Variants in GRIA1 observed in about 807,000 individuals in gnomAD.
GRIA1 encodes glutamate receptor 1.
Under a neutral mutation model 99.2 loss-of-function variants are expected in GRIA1, and 31 were observed. The ratio of observed to expected loss-of-function variants is 0.31; its 90% CI spans 0.23 to 0.42. GRIA1 has a LOEUF of 0.42. GRIA1 is among the 10% of genes least tolerant of loss of function. The probability of loss-of-function intolerance (pLI) is 1.00; values close to 1 mark genes in which losing one functional copy is unlikely to be tolerated. For missense variants in GRIA1, 782 were observed against 1,157.5 expected (o/e 0.68, Z 4.71); for synonymous variants, 438 against 432.4 (o/e 1.01, Z -0.16).
intron 14 of GRIA1, among the ~76,000 whole-genome samples, chr5:153,796,417 A>G (rs1765650399): frequency 6.6e-6 from 1 of 152,122 alleles, no homozygotes; most frequent in Admixed American, 6.6e-5. Context: ...ACTTCTTGCA[A>G]AAAAAAGAAG....
At chr5:153,515,659 C>T (rs1207887507) in intron 2 of GRIA1, among the ~76,000 whole-genome samples, 3 of 152,096 alleles carry the variant, frequency 2.0e-5, no homozygotes, top group East Asian at 1.9e-4. Context: ...GTTATGAATA[C>T]GTTAATTAGC....
At chr5:153,748,044 T>C (rs1762269890) in intron 11 of GRIA1, among the ~76,000 whole-genome samples, 1 of 152,236 alleles carries the variant, frequency 6.6e-6, no homozygotes, top group Admixed American at 6.5e-5. Context: ...TAGCAGTGAA[T>C]GACATTGATA....
rs117045429 is a variant in GRIA1, at chr5:153,753,777, G to A, written c.1824-10657G>A. 2.4e-3 allele frequency among the ~76,000 whole-genome samples: 358 copies of A among 152,094 alleles called. 13 individuals are homozygous for A. In the East Asian group the frequency reaches 0.065, roughly 27 times the overall value. On this transcript the variant is annotated intron_variant, in intron 11 of 15. Coordinates refer to ENST00000285900, the MANE Select transcript of GRIA1 (RefSeq NM_000827.4). ...AAGTTGCAAGGCTAATAAAATTCAG[G>A]TGACTAGGCAGACAGACCTCCAAGG...
chr5:153,536,086 C>T (rs1758539994), intron 2 of GRIA1, among the ~76,000 whole-genome samples: 1 of 152,172 alleles, frequency 6.6e-6, no homozygotes, highest in Non-Finnish European at 1.5e-5. Context: ...ATATTGAAGG[C>T]TCAGCAGACT....
At chr5:153,498,327 G>A (rs1754640284) in intron 2 of GRIA1, among the ~76,000 whole-genome samples, 1 of 152,176 alleles carries the variant, frequency 6.6e-6, no homozygotes, top group African/African-American at 2.4e-5. Flanking sequence ...AATGTTGTCT[G>A]TGTTGTGTCT....
At chr5:153,649,436 TTTATTTAGTTAG>T (rs978886875) in intron 3 of GRIA1, among the ~76,000 whole-genome samples, 1 of 97,126 alleles carries the variant, frequency 1.0e-5, no homozygotes, top group Admixed American at 9.6e-5. Context: ...ATTTTATTTA[TTTATTTAGTTAG>T]TTAGTTAGTT....
chr5:153,780,441 T>A (rs1317563962), intron 13 of GRIA1, among the ~76,000 whole-genome samples: 1 of 152,230 alleles, frequency 6.6e-6, no homozygotes, highest in Non-Finnish European at 1.5e-5. Flanking sequence ...CAACTGTTTC[T>A]TGGACAAGTG....
chr5:153,724,022 C>A (rs545358486), intron 11 of GRIA1, among the ~76,000 whole-genome samples: 1 of 152,316 alleles, frequency 6.6e-6, no homozygotes, highest in African/African-American at 2.4e-5. Flanking sequence ...ATACCTCACA[C>A]GGCCGGGTAC....
chr5:153,792,519 A>G (rs1765359903), intron 13 of GRIA1, among the ~76,000 whole-genome samples: 1 of 152,156 alleles, frequency 6.6e-6, no homozygotes, highest in African/African-American at 2.4e-5. Flanking sequence ...TCCCACTTTG[A>G]GTCTTTCTAC....
intron 13 of GRIA1, among the ~76,000 whole-genome samples, chr5:153,774,489 C>T (rs1215963709): frequency 6.6e-6 from 1 of 152,102 alleles, no homozygotes; most frequent in African/African-American, 2.4e-5. Context: ...GAGTTTGTTC[C>T]AGGTATTATT....
intron 11 of GRIA1, among the ~76,000 whole-genome samples, chr5:153,735,366 T>A (rs1312392389): frequency 3.3e-5 from 5 of 151,868 alleles, no homozygotes; most frequent in African/African-American, 1.2e-4. Context: ...TCTAAGGGGG[T>A]CCACGTGAGA....
chr5:153,587,677 A>G (rs780553953), intron 2 of GRIA1, among the ~76,000 whole-genome samples: 1 of 152,114 alleles, frequency 6.6e-6, no homozygotes, highest in Non-Finnish European at 1.5e-5. Flanking sequence ...GGTCCAAGAT[A>G]TGGGTCTATT....
At chr5:153,777,087 T>G (rs1764305482) in intron 13 of GRIA1, among the ~76,000 whole-genome samples, 1 of 152,194 alleles carries the variant, frequency 6.6e-6, no homozygotes. Context: ...CAAAATTACC[T>G]AGGGAGCTGG....
intron 2 of GRIA1, among the ~76,000 whole-genome samples, chr5:153,572,340 A>T (rs1364288956): frequency 1.3e-5 from 2 of 152,194 alleles, no homozygotes; most frequent in African/African-American, 2.4e-5. Flanking sequence ...CGCAAAGAGT[A>T]CACCATCAAG....
intron 11 of GRIA1, among the ~76,000 whole-genome samples, chr5:153,709,901 G>A (rs953890038): frequency 1.3e-5 from 2 of 152,146 alleles, no homozygotes; most frequent in African/African-American, 2.4e-5. Flanking sequence ...GGTAGGAATC[G>A]ATATTGGGGG....
At chr5:153,659,351 G>A (rs1474715054) in intron 5 of GRIA1, among the ~76,000 whole-genome samples, 1 of 152,174 alleles carries the variant, frequency 6.6e-6, no homozygotes, top group African/African-American at 2.4e-5. Context: ...GGCATAAGAT[G>A]AACTTGAACC....
At chr5:153,776,125 G>A (rs1041994981) in intron 13 of GRIA1, among the ~76,000 whole-genome samples, 1 of 152,144 alleles carries the variant, frequency 6.6e-6, no homozygotes, top group African/African-American at 2.4e-5. Flanking sequence ...TTTGCGATAC[G>A]CATCAGAGAG....
At chr5:153,590,193 C>T (rs1763839705) in intron 2 of GRIA1, among the ~76,000 whole-genome samples, 1 of 151,618 alleles carries the variant, frequency 6.6e-6, no homozygotes, top group African/African-American at 2.4e-5. Flanking sequence ...GAACAGTTTC[C>T]TTCAAAAAGC....
At chr5:153,801,262 A>G (rs1294644097) in intron 14 of GRIA1, among the ~76,000 whole-genome samples, 3 of 149,774 alleles carry the variant, frequency 2.0e-5, no homozygotes, top group Non-Finnish European at 4.4e-5. Flanking sequence ...GACAGAACTC[A>G]GGGATGATCT....
Sources: allele counts gnomAD v4.1 joint callset (sites outside exome capture counted in the v4.1 genomes callset), GRCh38; gene constraint gnomAD v4.1.1; transcripts MANE v1.5; gene names NCBI Gene and HGNC (gene_info 2026-07-23, HGNC 2026-07-21).